Variants in LHFPL3 observed in about 807,000 individuals in gnomAD.
LHFPL3 encodes the protein LHFPL tetraspan subfamily member 3.
LHFPL3 carries 5 observed loss-of-function variants against 19.3 expected under a neutral mutation model. That is an observed-to-expected ratio of 0.26 (90% confidence interval 0.14 to 0.54). The LOEUF is 0.54. LHFPL3 is among the 20% of genes least tolerant of loss of function. The pLI, the probability that LHFPL3 is intolerant of heterozygous loss-of-function variation, is 0.94. For missense variants in LHFPL3, 249 were observed against 307.4 expected, an observed-to-expected ratio of 0.81 and a Z score of 1.42; for synonymous variants, 133 against 126.2, an observed-to-expected ratio of 1.05 and a Z score of -0.36.
At chr7:104,588,474 A>G (rs1366248062) in intron 1 of LHFPL3, among the ~76,000 whole-genome samples, 1 of 152,082 alleles carries the variant, frequency 6.6e-6, no homozygotes, top group African/African-American at 2.4e-5. Flanking sequence ...CCATTGATCT[A>G]TATCTCTGTT....
In LHFPL3 at chr7:104,562,149, C is replaced by T. The variant is rs11978857; in HGVS notation, c.446-174526C>T. On this transcript the variant is annotated intron_variant, in intron 1 of 2. Transcript: ENST00000424859. ...TTCATTTCAACTTTGGTGAATCTGA[C>T]AATTATGTGTCTTGGAGTTGCTCTT... 9.1e-3 allele frequency among the ~76,000 whole-genome samples: 1,388 copies of T among 151,750 alleles called. 18 individuals are homozygous for T. Among genetic ancestry groups the T allele is most frequent in the African/African-American group, 0.032 (1,307 of 41,266 alleles).
intron 1 of LHFPL3, among the ~76,000 whole-genome samples, chr7:104,555,453 C>T (rs779567329): frequency 5.3e-5 from 8 of 152,192 alleles, no homozygotes; most frequent in South Asian, 4.1e-4. Context: ...ACATGGATGG[C>T]GGCAGGCAAA....
At chr7:104,628,267 C>G (rs1791581788) in intron 1 of LHFPL3, among the ~76,000 whole-genome samples, 1 of 152,134 alleles carries the variant, frequency 6.6e-6, no homozygotes, top group Non-Finnish European at 1.5e-5. Context: ...CATTACCAAG[C>G]AAGCCTTGAA....
intron 1 of LHFPL3, among the ~76,000 whole-genome samples, chr7:104,508,338 T>A (rs1445354120): frequency 6.6e-6 from 1 of 151,238 alleles, no homozygotes; most frequent in Non-Finnish European, 1.5e-5. Flanking sequence ...AAATCATCAT[T>A]CTCAGTAAAC....
At chr7:104,333,292 A>G (rs1307315185) in intron 1 of LHFPL3, among the ~76,000 whole-genome samples, 1 of 152,246 alleles carries the variant, frequency 6.6e-6, no homozygotes, top group Non-Finnish European at 1.5e-5. Context: ...AAGCTGAAGT[A>G]TTCAGTGGAA....
chr7:104,446,961 C>T (rs1792341977), intron 1 of LHFPL3, among the ~76,000 whole-genome samples: 1 of 152,078 alleles, frequency 6.6e-6, no homozygotes, highest in Non-Finnish European at 1.5e-5. Flanking sequence ...TATCAGTTAC[C>T]AAACAATATG....
At chr7:104,856,851 C>T (rs1165437225) in intron 2 of LHFPL3, among the ~76,000 whole-genome samples, 1 of 152,126 alleles carries the variant, frequency 6.6e-6, no homozygotes, top group East Asian at 1.9e-4. Context: ...AGGTTCTGTA[C>T]ATTAACTGAT....
At chr7:104,515,115 T>G (rs1278722848) in intron 1 of LHFPL3, among the ~76,000 whole-genome samples, 3 of 152,204 alleles carry the variant, frequency 2.0e-5, no homozygotes, top group Non-Finnish European at 2.9e-5. Flanking sequence ...AGTGAAATTG[T>G]GAGATGGTGC....
chr7:104,391,481 G>T (rs1246764750), intron 1 of LHFPL3, among the ~76,000 whole-genome samples: 2 of 152,176 alleles, frequency 1.3e-5, no homozygotes, highest in Non-Finnish European at 2.9e-5. Context: ...GTTTGTCAAA[G>T]ATCAGATGGC....
intron 1 of LHFPL3, among the ~76,000 whole-genome samples, chr7:104,398,207 G>A (rs1239111993): frequency 2.0e-5 from 3 of 152,104 alleles, no homozygotes; most frequent in Admixed American, 6.6e-5. Context: ...CCAACATCTT[G>A]TAACAAGTTC....
At chr7:104,464,872 C>T (rs1363224123) in intron 1 of LHFPL3, among the ~76,000 whole-genome samples, 1 of 152,214 alleles carries the variant, frequency 6.6e-6, no homozygotes, top group African/African-American at 2.4e-5. Context: ...TAACATTTGT[C>T]TCCCCATTGC....
chr7:104,834,650 C>T (rs927695961), intron 2 of LHFPL3, among the ~76,000 whole-genome samples: 4 of 152,042 alleles, frequency 2.6e-5, no homozygotes, highest in Admixed American at 6.5e-5. Flanking sequence ...GGAAGACATA[C>T]GCCCAAAGCC....
chr7:104,583,793 A>G (rs1261375352), intron 1 of LHFPL3, among the ~76,000 whole-genome samples: 3 of 151,842 alleles, frequency 2.0e-5, no homozygotes, highest in African/African-American at 7.3e-5. Flanking sequence ...GCGATCATTA[A>G]AAAGTCAGGA....
chr7:104,678,637 G>A (rs999647088), intron 1 of LHFPL3, among the ~76,000 whole-genome samples: 4 of 152,086 alleles, frequency 2.6e-5, no homozygotes, highest in Non-Finnish European at 5.9e-5. Flanking sequence ...TTAAGGTAAT[G>A]TAACTGTTAT....
chr7:104,748,781 C>T (rs1794099413), intron 2 of LHFPL3, among the ~76,000 whole-genome samples: 1 of 152,112 alleles, frequency 6.6e-6, no homozygotes, highest in Non-Finnish European at 1.5e-5. Flanking sequence ...CCCCGGGTCC[C>T]CTTATTTCTT....
intron 1 of LHFPL3, among the ~76,000 whole-genome samples, chr7:104,585,100 TC>T (rs1790539495): frequency 6.6e-6 from 1 of 152,090 alleles, no homozygotes; most frequent in African/African-American, 2.4e-5. Flanking sequence ...TCTGTCCTTC[TC>T]CCTACTCCCA....
intron 2 of LHFPL3, among the ~76,000 whole-genome samples, chr7:104,885,711 CCTTACAGT>C (rs1310539283): frequency 6.6e-6 from 1 of 152,118 alleles, no homozygotes; most frequent in African/African-American, 2.4e-5. Context: ...AACTCTTACC[CCTTACAGT>C]CTTCTTGTCA....
At chr7:104,695,438 C>CGT (rs1792980329) in intron 1 of LHFPL3, among the ~76,000 whole-genome samples, 1 of 152,180 alleles carries the variant, frequency 6.6e-6, no homozygotes, top group Non-Finnish European at 1.5e-5. Context: ...GGGTATATAA[C>CGT]CTTTTTTGTT....
chr7:104,842,706 T>G (rs1387511704), intron 2 of LHFPL3, among the ~76,000 whole-genome samples: 1 of 152,242 alleles, frequency 6.6e-6, no homozygotes, highest in African/African-American at 2.4e-5. Flanking sequence ...AATGACTTAT[T>G]TGAAATGATT....
Sources: gnomAD v4.1 joint callset for allele counts (sites outside exome capture counted in the v4.1 genomes callset) on GRCh38, gnomAD v4.1.1 for gene constraint, MANE v1.5 for transcripts, NCBI Gene and HGNC (gene_info 2026-07-23, HGNC 2026-07-21) for gene names.